Variants in SBF2 observed in about 807,000 individuals in gnomAD.
SBF2 encodes myotubularin-related protein 13.
SBF2 carries 112 observed loss-of-function variants against 225.2 expected under a neutral mutation model. The observed-to-expected ratio is 0.50, with a 90% CI of 0.43 to 0.58. SBF2 has a LOEUF of 0.58. Among genes scored for constraint, SBF2 ranks in the 20% least tolerant of loss-of-function variants. The pLI is 0.00. For missense variants in SBF2, 1,996 were observed against 2,206.2 expected (o/e 0.90, Z 1.91); for synonymous variants, 763 against 773.3 (o/e 0.99, Z 0.22).
At chr11:10,093,382 GA>G (rs34568610) in intron 2 of SBF2, among the ~76,000 whole-genome samples, 41,545 of 126,704 alleles carry the variant, frequency 0.33, 6,020 homozygotes, top group Admixed American at 0.41. Context: ...TGGTCAGCTG[GA>G]AAAAAAAAAA....
chr11:10,011,942 C>T (rs1236347481), intron 6 of SBF2, among the ~76,000 whole-genome samples: 1 of 152,168 alleles, frequency 6.6e-6, no homozygotes, highest in African/African-American at 2.4e-5. Context: ...TTTTTCTAAT[C>T]ACCCCCATAT....
In SBF2 at chr11:10,254,982, T is replaced by C. The variant is rs558186864; in HGVS notation, c.55+39033A>G. ...ACATCAATGAACCTGGAAGACATGA[T>C]ATTAAATTAAATAAGCCAAGAAGAG... On this transcript the variant is annotated intron_variant, in intron 1 of 39. Transcript: ENST00000256190. 1.3e-4 allele frequency among the ~76,000 whole-genome samples: 18 copies of C among 135,844 alleles called. No homozygotes were observed. The South Asian group carries it at 4.0e-3, about 30-fold the overall frequency. 89.1% of individuals were successfully genotyped at this position (135,844 alleles called of 152,430 possible).
At position 9,829,385 on chromosome 11, in the gene SBF2, G is replaced by T; in HGVS notation, c.3764C>A (p.Thr1255Asn). The change falls in exon 28 of 40, where the codon ACT (threonine) becomes AAT (asparagine). Residue 1255 changes from threonine (T) to asparagine (N), a missense_variant. Coordinates refer to ENST00000256190, the MANE Select transcript of SBF2 (RefSeq NM_030962.4). ...AGATAGAGCAAAGGCTGGCCTGACA[G>T]TAAGAGTGCTGTTGCCTCTGAGTTT... The part of the protein sequence containing the change: ...HQKLRGNSTL[T>N]VRPAFALSPG... 6.2e-7 allele frequency: 1 copy of T among 1,614,176 alleles called. No individual in the cohort carries two copies. Among genetic ancestry groups the T allele is most frequent in the Non-Finnish European group, 8.5e-7 (1 of 1,180,002 alleles).
At chr11:9,876,171 T>C (rs1859218497) in intron 17 of SBF2, among the ~76,000 whole-genome samples, 1 of 152,200 alleles carries the variant, frequency 6.6e-6, no homozygotes, top group African/African-American at 2.4e-5. Context: ...TTGAATGCTC[T>C]GTGTACTAAA....
intron 16 of SBF2, among the ~76,000 whole-genome samples, chr11:9,952,004 C>A (rs530276596): frequency 5.3e-5 from 8 of 152,216 alleles, no homozygotes; most frequent in Non-Finnish European, 1.2e-4. Flanking sequence ...AAAACGTCAA[C>A]CTCCACATCT....
intron 6 of SBF2, among the ~76,000 whole-genome samples, chr11:10,013,266 A>T (rs937896216): frequency 1.3e-5 from 2 of 152,170 alleles, no homozygotes; most frequent in Non-Finnish European, 2.9e-5. Flanking sequence ...TTTACCGATA[A>T]TGATGCCATG....
chr11:10,143,603 T>C (rs1954751426), intron 2 of SBF2, among the ~76,000 whole-genome samples: 1 of 152,202 alleles, frequency 6.6e-6, no homozygotes, highest in Non-Finnish European at 1.5e-5. Context: ...GTTCATAAAT[T>C]GGTAGATCAA....
Position 10,206,024 on chromosome 11 carries a change from T to C in SBF2, c.56-12037A>G, listed in dbSNP as rs192081709. Among the ~76,000 whole-genome samples the C allele has an allele frequency of 1.0e-3, 152 of 151,926 alleles. 2 individuals are homozygous for C. Among genetic ancestry groups the C allele is most frequent in the Middle Eastern group, 6.8e-3 (2 of 294 alleles). On this transcript the variant is annotated intron_variant, in intron 1 of 39. Transcript: ENST00000256190. ...AAGCAGTCTGGCCCAGGTAGTCTCT[T>C]TGTCCTCATGAGTCAGAATCTCTCA...
At chr11:10,219,495 TC>T (rs1168364304) in intron 1 of SBF2, among the ~76,000 whole-genome samples, 1 of 152,160 alleles carries the variant, frequency 6.6e-6, no homozygotes, top group Admixed American at 6.5e-5. Flanking sequence ...GGAGACATTT[TC>T]CCCATTGTCT....
intron 2 of SBF2, among the ~76,000 whole-genome samples, chr11:10,176,886 C>A (rs1591142478): frequency 6.6e-6 from 1 of 152,072 alleles, no homozygotes; most frequent in African/African-American, 2.4e-5. Flanking sequence ...GAGACACAAC[C>A]AAAAAAGAAA....
chr11:9,948,850 T>C (rs1865704236), intron 16 of SBF2, among the ~76,000 whole-genome samples: 1 of 152,224 alleles, frequency 6.6e-6, no homozygotes, highest in African/African-American at 2.4e-5. Flanking sequence ...TACTCACTTC[T>C]ATATCTGTGA....
At chr11:10,107,770 C>T (rs1254257410) in intron 2 of SBF2, among the ~76,000 whole-genome samples, 1 of 152,178 alleles carries the variant, frequency 6.6e-6, no homozygotes, top group Non-Finnish European at 1.5e-5. Context: ...GGATTTACGG[C>T]CCGTCCTAAT....
rs752774091 is a variant in SBF2 at position 9,784,445 on chromosome 11, G to T, written c.5232-7C>A. 8 of 1,603,224 alleles carry T rather than the reference G, an allele frequency of 5.0e-6. No homozygotes were observed. The East Asian group carries it at 1.8e-4, about 36-fold the overall frequency. The stretch of plus-strand genomic sequence containing the variant: ...AAGTGTTCCCTCAAAGGACCTAGAA[G>T]AAATGATGACAGGAGAGTTAATTTT... On this transcript the variant is annotated splice_polypyrimidine_tract_variant and splice_region_variant and intron_variant, in intron 37 of 39. Transcript: ENST00000256190.
At chr11:9,783,168 T>C (rs1340303794) in intron 38 of SBF2, 3 of 152,230 alleles carry the variant, frequency 2.0e-5, no homozygotes, top group Non-Finnish European at 4.4e-5. Flanking sequence ...TTCTCCTATG[T>C]TATATTTAGA....
intron 1 of SBF2, among the ~76,000 whole-genome samples, chr11:10,235,476 G>A (rs1396474707): frequency 3.3e-5 from 5 of 149,924 alleles, no homozygotes; most frequent in East Asian, 2.0e-4. Flanking sequence ...GCGGTGAGCC[G>A]AGATTGTGCC....
In SBF2 at chr11:10,268,427, G is replaced by T. The variant is rs77033981; in HGVS notation, c.55+25588C>A. Among the ~76,000 whole-genome samples, 1,490 of 152,186 alleles carry T rather than the reference G, an allele frequency of 9.8e-3. 17 individuals are homozygous for T. Among genetic ancestry groups the T allele is most frequent in the African/African-American group, 0.035 (1,438 of 41,518 alleles). ...AAACAATTTGTTTTCTTCAAATCAT[G>T]GTATTAGTGAACCTTGTAAATTATT... On this transcript the variant is annotated intron_variant, in intron 1 of 39. Coordinates refer to ENST00000256190, the MANE Select transcript of SBF2 (RefSeq NM_030962.4).
intron 2 of SBF2, among the ~76,000 whole-genome samples, chr11:10,172,603 T>C (rs1956245054): frequency 6.6e-6 from 1 of 152,242 alleles, no homozygotes; most frequent in Non-Finnish European, 1.5e-5. Flanking sequence ...TCCACCGGCC[T>C]CGGCCTCCCG....
chr11:9,852,740 G>C lies in SBF2; in HGVS notation c.2546C>G (p.Ala849Gly). 1 of 1,610,738 alleles carries C rather than the reference G, an allele frequency of 6.2e-7. No individual in the cohort carries two copies. Among genetic ancestry groups the C allele is most frequent in the Non-Finnish European group, 8.5e-7 (1 of 1,177,112 alleles). The stretch of plus-strand genomic sequence containing the variant: ...TGCTTCTAGGGTCTCAATGTGCATA[G>C]CTACAATTCCTAGGATGAGTCAGAG... ...SLHCMIPGIV[A>G]MHIETLEAVH... The change falls in exon 21 of 40, where the codon GCT (alanine) becomes GGT (glycine). Residue 849 changes from alanine to glycine, a missense_variant. By Grantham distance (60) the Ala-to-Gly change is moderately conservative. Coordinates refer to ENST00000256190, the MANE Select transcript of SBF2 (RefSeq NM_030962.4).
intron 2 of SBF2, among the ~76,000 whole-genome samples, chr11:10,153,484 TA>T (rs952589547): frequency 1.1e-4 from 17 of 151,996 alleles, no homozygotes; most frequent in Non-Finnish European, 1.8e-4. Flanking sequence ...CTGAATAAAA[TA>T]AAACACAATT....
Sources: gnomAD v4.1 joint callset for allele counts (sites outside exome capture counted in the v4.1 genomes callset) on GRCh38, gnomAD v4.1.1 for gene constraint, MANE v1.5 for transcripts, NCBI Gene and HGNC (gene_info 2026-07-23, HGNC 2026-07-21) for gene names.